BBOF1: variants seen among roughly 807,000 people sequenced by gnomAD.
BBOF1 encodes basal body orientation factor 1, also known as basal body-orientation factor 1.
BBOF1 carries 62 observed loss-of-function variants against 68.0 expected under a neutral mutation model. The observed-to-expected ratio is 0.91, with a 90% confidence interval of 0.74 to 1.13. The LOEUF is 1.13. Ranked by LOEUF, BBOF1 falls within the 50% of genes most tolerant of loss-of-function variation. BBOF1 has a pLI of 0.00. For synonymous variants in BBOF1, 208 were observed against 198.8 expected, an observed-to-expected ratio of 1.05 and a Z score of -0.39; for missense variants, 534 against 600.1, an observed-to-expected ratio of 0.89 and a Z score of 1.15.
At chr14:74,035,584 ATTTTT>A (rs71460945) in intron 4 of BBOF1, among the ~76,000 whole-genome samples, 1 of 81,392 alleles carries the variant, frequency 1.2e-5, no homozygotes, top group African/African-American at 6.4e-5. Context: ...CCCCCAGCTA[ATTTTT>A]TTTTTTTTTT....
At position 74,057,150 on chromosome 14, in the gene BBOF1, A is replaced by T. The variant is rs771104282; in HGVS notation, c.1470A>T (p.Glu490Asp). The part of the protein sequence containing the change: ...DSGETKEFGD[E>D]SKLQDKIFIT... ...TATTTTGTCATTATTGCAGGGATGA[A>T]AGTAAGCTTCAAGATAAAATCTTCA... Residue 490 changes from glutamate (E) to aspartate (D), a missense_variant, in exon 11 of 12, where the codon GAA (glutamate) becomes GAT (aspartate). Coordinates refer to ENST00000394009, the MANE Select transcript of BBOF1 (RefSeq NM_025057.3). 1.2e-6 allele frequency: 2 copies of T among 1,611,518 alleles called. No individual in the cohort carries two copies. Among genetic ancestry groups the T allele is most frequent in the Non-Finnish European group, 1.7e-6 (2 of 1,178,132 alleles).
intron 9 of BBOF1, among the ~76,000 whole-genome samples, chr14:74,056,572 A>G (rs1356698307): frequency 1.3e-5 from 2 of 151,818 alleles, no homozygotes; most frequent in Non-Finnish European, 2.9e-5. Flanking sequence ...CTGACCTCAG[A>G]TGATCCACTC....
chr14:74,021,947 A>T (rs1436225477), intron 1 of BBOF1, among the ~76,000 whole-genome samples: 1 of 152,090 alleles, frequency 6.6e-6, no homozygotes, highest in African/African-American at 2.4e-5. Flanking sequence ...AGTGGAGGGT[A>T]AAGTGGGTGG....
intron 5 of BBOF1, among the ~76,000 whole-genome samples, chr14:74,043,755 A>T (rs1424584571): frequency 6.8e-6 from 1 of 148,010 alleles, no homozygotes; most frequent in African/African-American, 2.5e-5. Flanking sequence ...CTGGTCTCGA[A>T]CTCCTGACCT....
intron 9 of BBOF1, chr14:74,071,763 C>T (rs1266930747): frequency 5.5e-6 from 8 of 1,450,148 alleles, no homozygotes; most frequent in Non-Finnish European, 7.7e-6. Context: ...TGCCATTTTT[C>T]ACAAGTATTA....
chr14:74,076,580 A>G (rs1416391883), intron 9 of BBOF1, among the ~76,000 whole-genome samples: 1 of 152,084 alleles, frequency 6.6e-6, no homozygotes, highest in East Asian at 1.9e-4. Flanking sequence ...CTCATTGACC[A>G]GGCTGGAGTA....
chr14:74,067,721 C>T (rs908390354), downstream of BBOF1: 10 of 820,582 alleles, frequency 1.2e-5, no homozygotes, highest in Non-Finnish European at 1.6e-5. Flanking sequence ...GTCAGGAGTT[C>T]AAGACCAGCC....
At chr14:74,057,015 C>A (rs755369881) in intron 10 of BBOF1, 35 bp downstream of exon 10, 1 of 1,590,144 alleles carries the variant, frequency 6.3e-7, no homozygotes, top group Non-Finnish European at 8.6e-7. Flanking sequence ...TAAACATGAG[C>A]CCAACACGAT....
At position 74,055,515 on chromosome 14, in the gene BBOF1, T is replaced by C. The variant is rs372555417; in HGVS notation, c.1287-69T>C. ...CCTATGTTTACCCATTATATATTTT[T>C]TAAAAAGAAGAGAAGCCTATTTGAC... On this transcript the variant is annotated intron_variant, in intron 8 of 11. Transcript: ENST00000394009. 3.0e-4 allele frequency: 302 copies of C among 1,005,062 alleles called. 2 individuals carry two copies. The South Asian group carries it at 4.0e-3, about 13-fold the overall frequency. 62.3% of individuals were successfully genotyped at this position (1,005,062 alleles called of 1,614,324 possible). A position where few individuals can be genotyped will look rare whatever the true frequency, so the allele number is the denominator to read the frequency against.
intron 8 of BBOF1, among the ~76,000 whole-genome samples, chr14:74,054,305 T>C (rs7359018): frequency 0.25 from 36,570 of 145,156 alleles, 4,970 homozygotes; most frequent in South Asian, 0.47. Flanking sequence ...CCACCGCACC[T>C]GGCCTAAACA....
At chr14:74,067,452 C>T, downstream of BBOF1, 1 of 1,614,210 alleles carries the variant, frequency 6.2e-7, no homozygotes, top group Non-Finnish European at 8.5e-7. Context: ...CCCACAAGGA[C>T]TGCTGTTGAA....
At position 74,081,424 on chromosome 14, in the gene BBOF1, A is replaced by G. The variant is rs569219467; in HGVS notation, n.1639+150A>G. 7.9e-5 allele frequency: 12 copies of G among 152,238 alleles called. No homozygotes were observed. The South Asian group carries it at 2.5e-3, about 32-fold the overall frequency. The allele number at this position is 152,238 out of a possible 1,614,324, so 9.4% of individuals were successfully genotyped here. A position where few individuals can be genotyped will look rare whatever the true frequency, so the allele number is the denominator to read the frequency against. ...TAGGCCACTTAAATTTTATTTTTTC[A>G]CTTGTATACAGCCTCCCTGCTGTTA... On this transcript the variant is annotated intron_variant and non_coding_transcript_variant, in intron 12 of 12. Transcript: ENST00000492026.
intron 2 of BBOF1, among the ~76,000 whole-genome samples, chr14:74,026,140 CAA>C (rs372178821): frequency 1.8e-4 from 21 of 114,334 alleles, no homozygotes; most frequent in Admixed American, 2.7e-4. Flanking sequence ...GACTCTGTCT[CAA>C]AAAAAAAAAA....
chr14:74,080,172 G>C (rs529822518), intron 10 of BBOF1, among the ~76,000 whole-genome samples: 3 of 152,246 alleles, frequency 2.0e-5, no homozygotes, highest in Admixed American at 2.0e-4. Flanking sequence ...GAGAAACCCA[G>C]ATACTATTCC....
At chr14:74,035,408 G>A (rs1326543477) in intron 4 of BBOF1, among the ~76,000 whole-genome samples, 2 of 140,352 alleles carry the variant, frequency 1.4e-5, no homozygotes, top group African/African-American at 2.6e-5. Context: ...CTCCTCATAT[G>A]GGCCCTTTTT....
chr14:74,077,754 G>C (rs1164472038), intron 9 of BBOF1, among the ~76,000 whole-genome samples: 2 of 152,116 alleles, frequency 1.3e-5, no homozygotes, highest in African/African-American at 2.4e-5. Flanking sequence ...TTTTGGTGGA[G>C]ACAAACCAAC....
At chr14:74,061,642 A>G (rs1465089478) in intron 11 of BBOF1, among the ~76,000 whole-genome samples, 2 of 152,158 alleles carry the variant, frequency 1.3e-5, no homozygotes, top group Admixed American at 1.3e-4. Flanking sequence ...TCTGATAATT[A>G]TCAGAGATCA....
Position 74,019,551 on chromosome 14 carries a change from C to T in BBOF1, c.56+17C>T. ...AGACACGAAGTAAGGAGAAGCCACCCGAGAGTCCCCTCTCCCTGGGCCTGC... is the reference window on the plus strand; with the variant it reads ...AGACACGAAGTAAGGAGAAGCCACCTGAGAGTCCCCTCTCCCTGGGCCTGC... On this transcript the variant is annotated intron_variant, in intron 1 of 11. Coordinates refer to ENST00000394009, the MANE Select transcript of BBOF1 (RefSeq NM_025057.3). The T allele has an allele frequency of 6.3e-7, 1 of 1,584,028 alleles. No individual in the cohort carries two copies. The highest frequency in any genetic ancestry group is 8.6e-7 in the Non-Finnish European group (1 of 1,165,458).
Position 74,019,451 on chromosome 14 carries a change from C to G in BBOF1, c.-28C>G, listed in dbSNP as rs1330880588. 4.4e-6 allele frequency: 7 copies of G among 1,593,880 alleles called. No homozygotes were observed. Among genetic ancestry groups the G allele is most frequent in the Non-Finnish European group, 6.0e-6 (7 of 1,170,686 alleles). On this transcript the variant is annotated 5_prime_UTR_variant, in exon 1 of 12. Coordinates refer to ENST00000394009, the MANE Select transcript of BBOF1 (RefSeq NM_025057.3). ...CAGGGCGGCCGCGGCTGGGCAACTACGACAGCGGAGCCCCTGGGGAAGCCA... is the reference window on the plus strand; with the variant it reads ...CAGGGCGGCCGCGGCTGGGCAACTAGGACAGCGGAGCCCCTGGGGAAGCCA...
Sources: allele counts gnomAD v4.1 joint callset (sites outside exome capture counted in the v4.1 genomes callset), GRCh38; gene constraint gnomAD v4.1.1; transcripts MANE v1.5; gene names NCBI Gene and HGNC (gene_info 2026-07-23, HGNC 2026-07-21).